Variants in ADGRV1 observed in about 807,000 individuals in gnomAD.
The protein encoded by ADGRV1 is adhesion G protein-coupled receptor V1.
A neutral mutation model predicts 596.2 loss-of-function variants in ADGRV1; 359 were observed. The observed-to-expected ratio is 0.60, with a 90% confidence interval of 0.55 to 0.66. The LOEUF is 0.66. Ranked by LOEUF, ADGRV1 falls within the 30% of genes least tolerant of loss-of-function variation. ADGRV1 has a pLI of 0.00. For synonymous variants in ADGRV1, 2,681 were observed against 2,679.2 expected, an observed-to-expected ratio of 1.00 and a Z score of -0.02; for missense variants, 7,274 against 7,575.6, an observed-to-expected ratio of 0.96 and a Z score of 1.48.
At position 90,694,133 on chromosome 5, in the gene ADGRV1, G is replaced by A. The variant is rs995492071; in HGVS notation, c.7377G>A (p.Glu2459=). 3.1e-6 allele frequency: 5 copies of A among 1,613,716 alleles called. No homozygotes were observed. Among genetic ancestry groups the A allele is most frequent in the Non-Finnish European group, 2.5e-6 (3 of 1,179,818 alleles). ...CGTTTTCATTTTTCAGTGCTTCTGA[G>A]GGTCCCCAGTGTTTCTGGATGACAT... The part of the protein sequence containing the change: ...CSAFSFFSAS[E]GPQCFWMTSW... The change falls in exon 33 of 90, where the codon GAG becomes GAA. Residue 2459 remains glutamate, a synonymous_variant. Coordinates refer to ENST00000405460, the MANE Select transcript of ADGRV1 (RefSeq NM_032119.4).
intron 1 of ADGRV1, among the ~76,000 whole-genome samples, chr5:90,579,176 T>C (rs1757639819): frequency 6.6e-6 from 1 of 152,222 alleles, no homozygotes; most frequent in Non-Finnish European, 1.5e-5. Context: ...CTTGCTTCTC[T>C]AGTTCTTTTA....
At chr5:90,729,334 A>T (rs900054138) in intron 49 of ADGRV1, among the ~76,000 whole-genome samples, 5 of 152,156 alleles carry the variant, frequency 3.3e-5, no homozygotes, top group Admixed American at 3.3e-4. Context: ...TGGAAGGAAA[A>T]TTTGCTTTCT....
intron 1 of ADGRV1, among the ~76,000 whole-genome samples, chr5:90,612,897 G>A (rs1762885101): frequency 6.6e-6 from 1 of 152,006 alleles, no homozygotes; most frequent in Non-Finnish European, 1.5e-5. Flanking sequence ...TTCTCAAAGT[G>A]AATTATACCA....
At chr5:91,063,014 A>G (rs1787581303) in intron 85 of ADGRV1, among the ~76,000 whole-genome samples, 3 of 131,172 alleles carry the variant, frequency 2.3e-5, no homozygotes, top group Non-Finnish European at 3.1e-5. Flanking sequence ...GCTGGAGTGC[A>G]GTGGCACGAT....
chr5:90,970,037 T>C (rs28439406), intron 84 of ADGRV1, among the ~76,000 whole-genome samples: 2,108 of 152,324 alleles, frequency 0.014, 53 homozygotes, highest in African/African-American at 0.048. Context: ...AATACTGCGC[T>C]TTTCCAATGG....
chr5:90,935,077 AGTTTT>A (rs1457969995), intron 83 of ADGRV1, among the ~76,000 whole-genome samples: 1 of 152,186 alleles, frequency 6.6e-6, no homozygotes, highest in Non-Finnish European at 1.5e-5. Context: ...AATCCATAAC[AGTTTT>A]GTTTTGTTTT....
At chr5:91,125,115 G>A (rs1319315412) in intron 87 of ADGRV1, among the ~76,000 whole-genome samples, 1 of 152,124 alleles carries the variant, frequency 6.6e-6, no homozygotes, top group African/African-American at 2.4e-5. Context: ...CAGCAGAGTG[G>A]ACAGAGGGGA....
intron 86 of ADGRV1, among the ~76,000 whole-genome samples, chr5:91,079,336 G>C (rs1030918506): frequency 6.6e-5 from 10 of 152,114 alleles, no homozygotes; most frequent in African/African-American, 2.2e-4. Flanking sequence ...TGCCAATAGT[G>C]GTGGGGGAAA....
intron 85 of ADGRV1, among the ~76,000 whole-genome samples, chr5:91,065,860 A>G (rs72784648): frequency 0.03 from 4,610 of 152,310 alleles, 106 homozygotes; most frequent in Non-Finnish European, 0.047. Flanking sequence ...CTGGCGAAAT[A>G]TAGGGAAAAG....
intron 83 of ADGRV1, among the ~76,000 whole-genome samples, chr5:90,910,550 A>AT (rs1484343337): frequency 1.6e-5 from 2 of 124,868 alleles, no homozygotes; most frequent in African/African-American, 6.0e-5. Flanking sequence ...ATATATATAT[A>AT]TTATCTATCT....
At chr5:91,069,345 T>C (rs1788171587) in intron 85 of ADGRV1, among the ~76,000 whole-genome samples, 1 of 152,084 alleles carries the variant, frequency 6.6e-6, no homozygotes, top group South Asian at 2.1e-4. Context: ...GAGAAAATAT[T>C]CACAAACCAT....
intron 83 of ADGRV1, among the ~76,000 whole-genome samples, chr5:90,895,080 C>CA (rs1771180154): frequency 6.6e-6 from 1 of 151,002 alleles, no homozygotes; most frequent in African/African-American, 2.5e-5. Context: ...AAGCATGCAC[C>CA]ACCATGTCTG....
At chr5:90,996,058 C>T (rs1022917053) in intron 85 of ADGRV1, among the ~76,000 whole-genome samples, 1 of 152,184 alleles carries the variant, frequency 6.6e-6, no homozygotes, top group Non-Finnish European at 1.5e-5. Context: ...AATTTGCAGC[C>T]TGGCTATGAG....
chr5:91,090,330 C>T (rs1351950584), intron 86 of ADGRV1, among the ~76,000 whole-genome samples: 5 of 152,062 alleles, frequency 3.3e-5, no homozygotes, highest in Admixed American at 2.6e-4. Flanking sequence ...TGGTTATTCT[C>T]CTTAGATTCA....
intron 83 of ADGRV1, among the ~76,000 whole-genome samples, chr5:90,905,413 A>T (rs1733768670): frequency 6.6e-6 from 1 of 151,794 alleles, no homozygotes; most frequent in Admixed American, 6.6e-5. Context: ...TTTTTTCATC[A>T]CTATTTTATA....
intron 84 of ADGRV1, among the ~76,000 whole-genome samples, chr5:90,967,069 C>A (rs915621950): frequency 6.6e-6 from 1 of 152,022 alleles, no homozygotes; most frequent in African/African-American, 2.4e-5. Flanking sequence ...ATACCACATA[C>A]CACACAGGCT....
At chr5:90,693,427 G>A (rs1250664257) in intron 32 of ADGRV1, among the ~76,000 whole-genome samples, 1 of 151,742 alleles carries the variant, frequency 6.6e-6, no homozygotes, top group Non-Finnish European at 1.5e-5. Context: ...ATACTGGACT[G>A]GTTTTTAAAG....
intron 42 of ADGRV1, 34 bp downstream of exon 42, chr5:90,712,462 C>G (rs901493674): frequency 6.7e-7 from 1 of 1,499,732 alleles, no homozygotes; most frequent in Non-Finnish European, 9.1e-7. Flanking sequence ...AGCTTCCTCT[C>G]CTTCATGCTG....
chr5:90,674,352 A>G (rs1772932520), intron 23 of ADGRV1, 118 bp downstream of exon 23: 2 of 569,916 alleles, frequency 3.5e-6, no homozygotes, highest in Non-Finnish European at 5.8e-6. Context: ...AGACCTCCTA[A>G]TTTCTAAACT....
Sources: allele counts gnomAD v4.1 joint callset (sites outside exome capture counted in the v4.1 genomes callset), GRCh38; gene constraint gnomAD v4.1.1; transcripts MANE v1.5; gene names NCBI Gene and HGNC (gene_info 2026-07-23, HGNC 2026-07-21).